STARD5: variants seen among roughly 807,000 people sequenced by gnomAD.
STARD5 encodes StAR related lipid transfer domain containing 5.
STARD5 carries 26 observed loss-of-function variants against 24.6 expected under a neutral mutation model. The ratio of observed to expected loss-of-function variants is 1.06; its 90% CI spans 0.77 to 1.47. The LOEUF is 1.47. STARD5 is among the 40% of genes most tolerant of loss of function. STARD5 has a pLI of 0.00. For missense variants in STARD5, 254 were observed against 270.8 expected (o/e 0.94, Z 0.44); for synonymous variants, 101 against 99.7 (o/e 1.01, Z -0.07).
rs1327852858 is a variant in STARD5 at position 81,312,348 on chromosome 15, C to T, written c.*908G>A. The T allele has an allele frequency of 6.6e-6, 1 of 152,248 alleles. No individual in the cohort carries two copies. Among genetic ancestry groups the T allele is most frequent in the African/African-American group, 2.4e-5 (1 of 41,454 alleles). The allele number at this position is 152,248 out of a possible 1,614,324, so 9.4% of individuals were successfully genotyped here. A position where few individuals can be genotyped will look rare whatever the true frequency, so the allele number is the denominator to read the frequency against. ...CCAGCCAGGGCTGCTAGACGGAGGC[C>T]TACTCTTCCATCTTTCCTGATGGCA... On this transcript the variant is annotated 3_prime_UTR_variant, in exon 6 of 6. Coordinates refer to ENST00000302824, the MANE Select transcript of STARD5 (RefSeq NM_181900.3).
rs570820584 is a variant in STARD5 at position 81,317,479 on chromosome 15, G to T, written c.494+930C>A. On this transcript the variant is annotated intron_variant, in intron 5 of 5. Coordinates refer to ENST00000302824, the MANE Select transcript of STARD5 (RefSeq NM_181900.3). Reference sequence around the variant, plus strand: ...TTGGGAGAACTGAAACTGAGTGCAGGTGTGTATGTCTGTGTGTGGTAGAGC... The same window carrying T: ...TTGGGAGAACTGAAACTGAGTGCAGTTGTGTATGTCTGTGTGTGGTAGAGC... Among the ~76,000 whole-genome samples, 3 of 152,306 alleles carry T rather than the reference G, an allele frequency of 2.0e-5. No individual in the cohort carries two copies. In the South Asian group the frequency reaches 6.2e-4, roughly 32 times the overall value.
chr15:81,322,815 T>A, intron 2 of STARD5, 84 bp downstream of exon 2: 1 of 1,556,690 alleles, frequency 6.4e-7, no homozygotes, highest in Non-Finnish European at 8.9e-7. Flanking sequence ...TAGGGTTGAT[T>A]TGAATATTTT....
At chr15:81,314,033 T>A (rs1901010408) in intron 5 of STARD5, 1 of 152,230 alleles carries the variant, frequency 6.6e-6, no homozygotes, top group South Asian at 2.1e-4. Flanking sequence ...AATAGTTTTT[T>A]AAAATAAAAA....
In STARD5 at chr15:81,319,360, C is replaced by T. The variant is rs1901148740; in HGVS notation, c.379G>A (p.Asp127Asn). The stretch of plus-strand genomic sequence containing the variant: ...TCACCGTTGGAACTGATGGTCCCAT[C>T]CTCATATCTCTTGACTAGCACCAAG... ...VDLVLVKRYE[D>N]GTISSNATHV... The change falls in exon 4 of 6, where the codon GAT becomes AAT. Residue 127 changes from aspartate (D) to asparagine (N), a missense_variant. Transcript: ENST00000302824. 6.2e-7 allele frequency: 1 copy of T among 1,614,164 alleles called. No individual in the cohort carries two copies. Among genetic ancestry groups the T allele is most frequent in the Non-Finnish European group, 8.5e-7 (1 of 1,180,002 alleles).
intron 3 of STARD5, 33 bp from the exon 4 acceptor site, chr15:81,319,489 G>T (rs1174792349): frequency 1.1e-5 from 18 of 1,588,126 alleles, no homozygotes; most frequent in Non-Finnish European, 1.6e-5. Flanking sequence ...AGCTGTGACT[G>T]CTGGCCAGAC....
At chr15:81,316,659 T>C (rs1289606996) in intron 5 of STARD5, among the ~76,000 whole-genome samples, 4 of 152,230 alleles carry the variant, frequency 2.6e-5, no homozygotes, top group Admixed American at 1.3e-4. Context: ...CTGTTATTAT[T>C]GTCTGCTGAA....
rs1387613913 is a variant in STARD5, at chr15:81,313,338, T to A, written c.560A>T (p.Asn187Ile). 1.3e-6 allele frequency: 2 copies of A among 1,581,252 alleles called. No individual in the cohort carries two copies. Among genetic ancestry groups the A allele is most frequent in the Non-Finnish European group, 1.7e-6 (2 of 1,164,180 alleles). ...HTDLSGYLPQNVVDSFFPRSM... is the reference protein window; with the variant it reads ...HTDLSGYLPQIVVDSFFPRSM... Reference sequence around the variant, plus strand: ...GCGGGGGAAGAAGGAGTCCACCACGTTCTGTGGGAGGTAACCGCTGAGGTC... The same window carrying A: ...GCGGGGGAAGAAGGAGTCCACCACGATCTGTGGGAGGTAACCGCTGAGGTC... The change falls in exon 6 of 6, where the codon AAC (asparagine) becomes ATC (isoleucine). Residue 187 changes from asparagine to isoleucine, a missense_variant. By Grantham distance (149) the Asn-to-Ile change is moderately radical. Transcript: ENST00000302824.
At chr15:81,323,801 C>A in intron 1 of STARD5, 200 bp downstream of exon 1, 1 of 704,280 alleles carries the variant, frequency 1.4e-6, no homozygotes, top group Middle Eastern at 2.4e-4. Context: ...CAGATACTTA[C>A]CACCTGAAGT....
rs962580157 is a variant in STARD5 at position 81,324,116 on chromosome 15, C to T, written c.-17G>A. On this transcript the variant is annotated 5_prime_UTR_variant, in exon 1 of 6. Transcript: ENST00000302824. ...CGGGTCCATTGCGTCGGGAGCTGCG[C>T]TTAGCTGCGGGGTCGCGGGTGTTAT... 2 of 1,367,246 alleles carry T rather than the reference C, an allele frequency of 1.5e-6. No individual in the cohort carries two copies. The highest frequency in any genetic ancestry group is 2.4e-4 in the Middle Eastern group (1 of 4,150). The allele number at this position is 1,367,246 out of a possible 1,614,324, so 84.7% of individuals were successfully genotyped here.
intron 5 of STARD5, chr15:81,314,207 T>A (rs1050710254): frequency 1.1e-4 from 16 of 152,084 alleles, no homozygotes; most frequent in African/African-American, 3.9e-4. Flanking sequence ...TAATAATGCC[T>A]TATGCCAAAA....
intron 3 of STARD5, among the ~76,000 whole-genome samples, chr15:81,319,768 G>C (rs1281925090): frequency 1.3e-5 from 2 of 152,220 alleles, no homozygotes; most frequent in East Asian, 3.8e-4. Flanking sequence ...GCTGGACAAA[G>C]CTCTCAGCTG....
chr15:81,322,536 G>A lies in STARD5; in HGVS notation c.154C>T (p.Arg52Ter), dbSNP rs1324178682. 4 of 1,613,848 alleles carry A rather than the reference G, an allele frequency of 2.5e-6. No homozygotes were observed. The highest frequency in any genetic ancestry group is 1.3e-5 in the African/African-American group (1 of 74,856). Reference sequence around the variant, plus strand: ...GTCCCATATACAATGCCTTCTCCTCGGTACCTGGAGCACGAAAAGGAATTT... The same window carrying A: ...GTCCCATATACAATGCCTTCTCCTCAGTACCTGGAGCACGAAAAGGAATTT... ...PSVEFPGNLY[R>*]GEGIVYGTLE... The change falls in exon 3 of 6, where the codon CGA (arginine) becomes TGA (stop). Residue 52 changes from arginine (R) to a stop codon, truncating the protein, a stop_gained. Coordinates refer to ENST00000302824, the MANE Select transcript of STARD5 (RefSeq NM_181900.3). LOFTEE classifies it high-confidence loss of function.
At position 81,324,110 on chromosome 15, in the gene STARD5, G is replaced by C; in HGVS notation, c.-11C>G. On this transcript the variant is annotated 5_prime_UTR_variant, in exon 1 of 6. Transcript: ENST00000302824. ...CAGCGCCGGGTCCATTGCGTCGGGA[G>C]CTGCGCTTAGCTGCGGGGTCGCGGG... 1 of 1,367,900 alleles carries C rather than the reference G, an allele frequency of 7.3e-7. No homozygotes were observed. The allele number at this position is 1,367,900 out of a possible 1,614,324, so 84.7% of individuals were successfully genotyped here.
chr15:81,313,092 G>A lies in STARD5; in HGVS notation c.*164C>T, dbSNP rs1009901915. 2 of 764,004 alleles carry A rather than the reference G, an allele frequency of 2.6e-6. No individual in the cohort carries two copies. The highest frequency in any genetic ancestry group is 1.9e-6 in the Non-Finnish European group (1 of 527,456). 47.3% of individuals were successfully genotyped at this position (764,004 alleles called of 1,614,324 possible). A position where few individuals can be genotyped will look rare whatever the true frequency, so the allele number is the denominator to read the frequency against. Reference sequence around the variant, plus strand: ...CCTGAGTGGGGCAGGAGGCAGGAAGGGTGGGCTGCCGCCTCTGGTTGGCAT... The same window carrying A: ...CCTGAGTGGGGCAGGAGGCAGGAAGAGTGGGCTGCCGCCTCTGGTTGGCAT... On this transcript the variant is annotated 3_prime_UTR_variant, in exon 6 of 6. Coordinates refer to ENST00000302824, the MANE Select transcript of STARD5 (RefSeq NM_181900.3).
chr15:81,322,190 T>A (rs950668561), intron 3 of STARD5, among the ~76,000 whole-genome samples: 3 of 152,154 alleles, frequency 2.0e-5, no homozygotes, highest in African/African-American at 7.2e-5. Flanking sequence ...CCGCAGAGAC[T>A]CTGTTTGGGG....
chr15:81,316,154 C>T (rs904862925), intron 5 of STARD5, among the ~76,000 whole-genome samples: 1 of 152,192 alleles, frequency 6.6e-6, no homozygotes, highest in Admixed American at 6.5e-5. Flanking sequence ...GCTCCACCAA[C>T]ACGCCCAAGA....
At chr15:81,316,411 G>C (rs1195657481) in intron 5 of STARD5, among the ~76,000 whole-genome samples, 3 of 152,160 alleles carry the variant, frequency 2.0e-5, no homozygotes, top group Non-Finnish European at 4.4e-5. Flanking sequence ...TCAATATCTG[G>C]GTTAAGAGCC....
At position 81,311,554 on chromosome 15, in the gene STARD5, G is replaced by C. The variant is rs1900854712; in HGVS notation, c.*1702C>G. On this transcript the variant is annotated 3_prime_UTR_variant, in exon 6 of 6. Transcript: ENST00000302824. ...ACAGTATGTCCCATAGGCCCAGTGA[G>C]ATGCATTCTTGGTTGGCTGGCCTTC... is the stretch of plus-strand genomic sequence containing the variant. 1 of 152,292 alleles carries C rather than the reference G, an allele frequency of 6.6e-6. No homozygotes were observed. Among genetic ancestry groups the C allele is most frequent in the Non-Finnish European group, 1.5e-5 (1 of 68,118 alleles). 9.4% of individuals were successfully genotyped at this position (152,292 alleles called of 1,614,324 possible).
At chr15:81,322,653 C>A in intron 2 of STARD5, 113 bp from the exon 3 acceptor site, 2 of 1,527,554 alleles carry the variant, frequency 1.3e-6, no homozygotes, top group South Asian at 1.2e-5. Context: ...CTCTTTAGGA[C>A]AGACTTGCAG....
Sources: allele counts gnomAD v4.1 joint callset (sites outside exome capture counted in the v4.1 genomes callset), GRCh38; gene constraint gnomAD v4.1.1; transcripts MANE v1.5; gene names NCBI Gene and HGNC (gene_info 2026-07-23, HGNC 2026-07-21).